The following MYO5B variants were observed in gnomAD, a reference collection of about 807,000 sequenced individuals.
MYO5B encodes the protein unconventional myosin-Vb.
MYO5B carries 143 observed loss-of-function variants against 229.3 expected under a neutral mutation model. The ratio of observed to expected loss-of-function variants is 0.62; its 90% CI spans 0.54 to 0.72. The LOEUF is 0.72. Among genes scored for constraint, MYO5B ranks in the 30% least tolerant of loss-of-function variants. The pLI, the probability that MYO5B is intolerant of heterozygous loss-of-function variation, is 0.00. For missense variants in MYO5B, 2,321 were observed against 2,331.0 expected (o/e 1.00, Z 0.09); for synonymous variants, 918 against 885.2 (o/e 1.04, Z -0.66).
intron 24 of MYO5B, among the ~76,000 whole-genome samples, 164 bp from the exon 25 acceptor site, chr18:49,878,046 C>T (rs1021132954): frequency 2.0e-5 from 3 of 152,186 alleles, no homozygotes; most frequent in Admixed American, 6.5e-5. Context: ...CCCTATGAAA[C>T]ATTTCACCTA....
At chr18:49,987,412 G>A (rs377299174) in intron 7 of MYO5B, among the ~76,000 whole-genome samples, 30 of 152,202 alleles carry the variant, frequency 2.0e-4, no homozygotes, top group South Asian at 1.7e-3. Flanking sequence ...CTGGATCGCA[G>A]CCCTCCTTTC....
At chr18:50,145,959 C>T (rs570677355) in intron 1 of MYO5B, among the ~76,000 whole-genome samples, 12 of 152,288 alleles carry the variant, frequency 7.9e-5, no homozygotes, top group South Asian at 4.1e-4. Context: ...GGATACATTT[C>T]GAAGTATTTG....
rs762377049 is a variant in MYO5B, at chr18:49,912,181, G to A, written c.2091-8C>T. The A allele has an allele frequency of 4.3e-6, 7 of 1,609,410 alleles. No homozygotes were observed. The South Asian group carries it at 6.6e-5, about 15-fold the overall frequency. On this transcript the variant is annotated splice_region_variant and splice_polypyrimidine_tract_variant and intron_variant, in intron 17 of 39. Coordinates refer to ENST00000285039, the MANE Select transcript of MYO5B (RefSeq NM_001080467.3). ...AAGTCATGGTAGGCCCACCTGGAGG[G>A]AAAGCAAAGGGGCATCAGGTGACAC...
At chr18:49,990,567 A>G in intron 6 of MYO5B, 47 bp from the exon 7 acceptor site, 1 of 1,499,632 alleles carries the variant, frequency 6.7e-7, no homozygotes, top group Non-Finnish European at 9.3e-7. Context: ...GACCTCTAAC[A>G]TCGTTCCCTC....
In MYO5B at chr18:49,868,659, T is replaced by G. The variant is rs2024424208; in HGVS notation, c.3603+3508A>C. Among the ~76,000 whole-genome samples the G allele has an allele frequency of 2.0e-5, 3 of 152,332 alleles. No homozygotes were observed. The South Asian group carries it at 6.2e-4, about 32-fold the overall frequency. ...GCACCAGGGAATGGTGAGCTTCCCC[T>G]AGAGCCACCCTTCCTGCCCTCACCA... On this transcript the variant is annotated intron_variant, in intron 27 of 39. Coordinates refer to ENST00000285039, the MANE Select transcript of MYO5B (RefSeq NM_001080467.3).
chr18:50,026,297 T>C (rs2026329903), intron 4 of MYO5B, among the ~76,000 whole-genome samples: 1 of 3,328 alleles, frequency 3.0e-4, no homozygotes, highest in African/African-American at 1.4e-3. Context: ...TGTTTACGTT[T>C]ACAGTGTCTG....
At chr18:50,186,317 G>C (rs1047417695) in intron 1 of MYO5B, among the ~76,000 whole-genome samples, 2 of 152,210 alleles carry the variant, frequency 1.3e-5, no homozygotes, top group African/African-American at 4.8e-5. Flanking sequence ...CAGAGCTTTT[G>C]TCTTTCCTGC....
intron 12 of MYO5B, among the ~76,000 whole-genome samples, chr18:49,955,511 C>T (rs1012450475): frequency 6.6e-6 from 1 of 152,146 alleles, no homozygotes; most frequent in African/African-American, 2.4e-5. Context: ...GATGGTGACC[C>T]TTGCACTAGC....
chr18:50,081,349 G>T (rs947876034), intron 1 of MYO5B, among the ~76,000 whole-genome samples: 1 of 152,156 alleles, frequency 6.6e-6, no homozygotes, highest in African/African-American at 2.4e-5. Context: ...GGAAAACAAA[G>T]ACCTACTATT....
chr18:49,879,863 C>T (rs2024567417), intron 23 of MYO5B, among the ~76,000 whole-genome samples: 1 of 152,202 alleles, frequency 6.6e-6, no homozygotes, highest in South Asian at 2.1e-4. Context: ...CTTCAGTAAA[C>T]ATTAACAGAT....
intron 2 of MYO5B, among the ~76,000 whole-genome samples, chr18:50,053,965 A>G (rs1352546088): frequency 6.6e-6 from 1 of 152,154 alleles, no homozygotes; most frequent in African/African-American, 2.4e-5. Flanking sequence ...TTAATTTGTT[A>G]CCAACCATTT....
At chr18:49,989,477 G>A (rs2025906077) in intron 7 of MYO5B, among the ~76,000 whole-genome samples, 1 of 152,170 alleles carries the variant, frequency 6.6e-6, no homozygotes, top group Non-Finnish European at 1.5e-5. Context: ...GCAGGACAGG[G>A]ACAGGAAGCA....
chr18:50,070,053 ACT>A (rs2144445706), intron 1 of MYO5B, among the ~76,000 whole-genome samples: 1 of 110,194 alleles, frequency 9.1e-6, no homozygotes, highest in African/African-American at 3.9e-5. Context: ...ACAGGGTCTT[ACT>A]CTGTCACCCA....
At chr18:50,152,319 C>T (rs939012180) in intron 1 of MYO5B, among the ~76,000 whole-genome samples, 29 of 152,286 alleles carry the variant, frequency 1.9e-4, no homozygotes, top group Middle Eastern at 3.4e-3. Flanking sequence ...TAACCCACAA[C>T]GAGGGCACTC....
intron 22 of MYO5B, among the ~76,000 whole-genome samples, chr18:49,893,894 C>T (rs895642653): frequency 1.4e-4 from 21 of 152,356 alleles, no homozygotes; most frequent in South Asian, 8.3e-4. Flanking sequence ...AGGACTCCCA[C>T]GTAGGGCCAA....
intron 4 of MYO5B, among the ~76,000 whole-genome samples, chr18:50,031,927 A>T (rs1465422240): frequency 6.6e-6 from 1 of 152,224 alleles, no homozygotes; most frequent in Non-Finnish European, 1.5e-5. Context: ...GCGTGTCAAC[A>T]TAAGGGCTCT....
intron 1 of MYO5B, among the ~76,000 whole-genome samples, chr18:50,120,720 A>G (rs2144530445): frequency 6.6e-6 from 1 of 152,260 alleles, no homozygotes; most frequent in East Asian, 1.9e-4. Context: ...TGCTTAGTCT[A>G]GGGGTGGAGA....
chr18:49,847,304 A>T lies in MYO5B; in HGVS notation c.4316-15T>A, dbSNP rs760116708. 1 of 1,612,312 alleles carries T rather than the reference A, an allele frequency of 6.2e-7. No individual in the cohort carries two copies. The highest frequency in any genetic ancestry group is 1.1e-5 in the South Asian group (1 of 90,860). On this transcript the variant is annotated splice_polypyrimidine_tract_variant and intron_variant, in intron 32 of 39. Coordinates refer to ENST00000285039, the MANE Select transcript of MYO5B (RefSeq NM_001080467.3). ...TGCCTGGGCAGCTGAGCAGGAAAGA[A>T]AACAGGAAGCATGGATGAGACTTCC...
intron 1 of MYO5B, chr18:50,097,660 A>G (rs76428660): frequency 0.01 from 1,823 of 174,938 alleles, 28 homozygotes; most frequent in African/African-American, 0.041. Flanking sequence ...TCGACCTCAC[A>G]GGCAGAAAGT....
Sources: allele counts gnomAD v4.1 joint callset (sites outside exome capture counted in the v4.1 genomes callset), GRCh38; gene constraint gnomAD v4.1.1; transcripts MANE v1.5; gene names NCBI Gene and HGNC (gene_info 2026-07-23, HGNC 2026-07-21).